Variants in CD38 observed in about 807,000 individuals in gnomAD.
The protein encoded by CD38 is ADP-ribosyl cyclase/cyclic ADP-ribose hydrolase 1.
CD38 carries 31 observed loss-of-function variants against 36.3 expected under a neutral mutation model. The observed-to-expected ratio is 0.85, with a 90% confidence interval of 0.64 to 1.15. The LOEUF is 1.15. CD38 is among the 50% of genes most tolerant of loss of function. The pLI, the probability that CD38 is intolerant of heterozygous loss-of-function variation, is 0.00. For synonymous variants in CD38, 131 were observed against 135.2 expected (o/e 0.97, Z 0.22); for missense variants, 380 against 371.9 (o/e 1.02, Z -0.18).
intron 2 of CD38, 121 bp from the exon 3 acceptor site, chr4:15,824,760 C>T (rs17848900): frequency 0.052 from 40,254 of 766,752 alleles, 1,602 homozygotes; most frequent in East Asian, 0.16. Context: ...AATTCTTACT[C>T]TTACTATGGG....
intron 1 of CD38, among the ~76,000 whole-genome samples, chr4:15,801,848 A>G (rs539347502): frequency 6.6e-4 from 101 of 152,306 alleles, no homozygotes; most frequent in African/African-American, 2.3e-3. Flanking sequence ...TGTACCAAAC[A>G]GGGAAATGTT....
chr4:15,836,741 G>T (rs1484119377), intron 4 of CD38, among the ~76,000 whole-genome samples: 1 of 152,138 alleles, frequency 6.6e-6, no homozygotes, highest in African/African-American at 2.4e-5. Context: ...TTAACTCTAG[G>T]TTGGTACCTA....
rs534968824 is a variant in CD38, at chr4:15,811,528, G to GT, written c.234-4973dup. Among the ~76,000 whole-genome samples the GT allele has an allele frequency of 3.3e-3, 481 of 147,760 alleles. 2 individuals carry two copies. Among genetic ancestry groups the GT allele is most frequent in the African/African-American group, 9.1e-3 (368 of 40,382 alleles). ...CCTGCACCATTTGTTGAAAAGTGTTGTTTTTTTTTTCCCATTGAATGGCCT... is the reference window on the plus strand; with the variant it reads ...CCTGCACCATTTGTTGAAAAGTGTTGTTTTTTTTTTTCCCATTGAATGGCCT... On this transcript the variant is annotated intron_variant, in intron 1 of 7. Coordinates refer to ENST00000226279, the MANE Select transcript of CD38 (RefSeq NM_001775.4).
rs1268370397 is a variant in CD38, at chr4:15,850,767, G to A, written c.*2165G>A. On this transcript the variant is annotated 3_prime_UTR_variant, in exon 8 of 8. Transcript: ENST00000226279. ...TGGCTCGACATGAGGATGGGGGTTT[G>A]GGACCAGTTCTGAGTGAGAATCAGA... 1 of 152,206 alleles carries A rather than the reference G, an allele frequency of 6.6e-6. No individual in the cohort carries two copies. The highest frequency in any genetic ancestry group is 1.5e-5 in the Non-Finnish European group (1 of 68,112). The allele number at this position is 152,206 out of a possible 1,614,324, so 9.4% of individuals were successfully genotyped here.
chr4:15,810,850 G>T (rs1457660406), intron 1 of CD38, among the ~76,000 whole-genome samples: 2 of 152,134 alleles, frequency 1.3e-5, no homozygotes, highest in East Asian at 3.8e-4. Context: ...TGCCACCCTT[G>T]CATTAATTAA....
At chr4:15,835,641 G>T (rs1184697812) in intron 4 of CD38, among the ~76,000 whole-genome samples, 1 of 150,970 alleles carries the variant, frequency 6.6e-6, no homozygotes, top group African/African-American at 2.4e-5. Context: ...GCCTCCCAAG[G>T]TGCTAAGACT....
chr4:15,786,562 T>G (rs910985755), intron 1 of CD38, among the ~76,000 whole-genome samples: 17 of 152,238 alleles, frequency 1.1e-4, no homozygotes, highest in African/African-American at 4.1e-4. Flanking sequence ...TTGGTCCGTT[T>G]ACAAACCTTG....
Position 15,837,781 on chromosome 4 carries a change from C to A in CD38, c.586-311C>A, listed in dbSNP as rs1227555638. ...CATGACACTGAGAAAGCACTTTCAT[C>A]TTCCCCCTCTAGACATTCCTCTTAC... On this transcript the variant is annotated intron_variant, in intron 4 of 7. Coordinates refer to ENST00000226279, the MANE Select transcript of CD38 (RefSeq NM_001775.4). Among the ~76,000 whole-genome samples the A allele has an allele frequency of 5.3e-5, 8 of 152,212 alleles. No homozygotes were observed. The East Asian group carries it at 1.5e-3, about 29-fold the overall frequency.
chr4:15,832,746 T>C (rs1236575411), intron 3 of CD38, among the ~76,000 whole-genome samples: 1 of 152,114 alleles, frequency 6.6e-6, no homozygotes, highest in African/African-American at 2.4e-5. Flanking sequence ...CTATATTTGC[T>C]CAAGGCTCTG....
At chr4:15,785,383 C>G (rs1017303544) in intron 1 of CD38, among the ~76,000 whole-genome samples, 1 of 152,032 alleles carries the variant, frequency 6.6e-6, no homozygotes, top group African/African-American at 2.4e-5. Context: ...AAGAAGATAC[C>G]TATTTCTATA....
chr4:15,847,685 G>A (rs72616193), intron 7 of CD38, among the ~76,000 whole-genome samples: 6,277 of 133,000 alleles, frequency 0.047, 188 homozygotes, highest in East Asian at 0.18. Flanking sequence ...GGAGAAAATA[G>A]AATAGTAGAA....
chr4:15,828,978 T>G (rs1723907893), intron 3 of CD38, among the ~76,000 whole-genome samples: 1 of 152,172 alleles, frequency 6.6e-6, no homozygotes, highest in South Asian at 2.1e-4. Flanking sequence ...TGCCAACACT[T>G]GTTATTTATC....
intron 2 of CD38, among the ~76,000 whole-genome samples, chr4:15,817,399 C>G (rs1401112737): frequency 6.6e-6 from 1 of 152,222 alleles, no homozygotes; most frequent in Non-Finnish European, 1.5e-5. Flanking sequence ...GCCTCTCATT[C>G]CATTGTTAGT....
chr4:15,811,370 CTA>C (rs923171844), intron 1 of CD38, among the ~76,000 whole-genome samples: 11 of 151,994 alleles, frequency 7.2e-5, no homozygotes, highest in Non-Finnish European at 1.5e-4. Flanking sequence ...ATTTTTTATT[CTA>C]TGTTTGCCTC....
intron 1 of CD38, among the ~76,000 whole-genome samples, chr4:15,814,201 A>G (rs1723533413): frequency 6.6e-6 from 1 of 152,212 alleles, no homozygotes; most frequent in African/African-American, 2.4e-5. Flanking sequence ...ATGACCAGTG[A>G]TGATAAGCTT....
chr4:15,841,029 A>G (rs1724194296), intron 7 of CD38, among the ~76,000 whole-genome samples: 1 of 151,974 alleles, frequency 6.6e-6, no homozygotes, highest in African/African-American at 2.4e-5. Flanking sequence ...CAAAATCTAT[A>G]TTTTTTAAAT....
At chr4:15,836,949 A>T (rs1724080165) in intron 4 of CD38, among the ~76,000 whole-genome samples, 1 of 152,214 alleles carries the variant, frequency 6.6e-6, no homozygotes, top group South Asian at 2.1e-4. Context: ...TTTAAATGAG[A>T]TACCACCATC....
At chr4:15,791,173 TGG>T (rs1560307627) in intron 1 of CD38, among the ~76,000 whole-genome samples, 1 of 72,534 alleles carries the variant, frequency 1.4e-5, no homozygotes, top group African/African-American at 7.2e-5. Flanking sequence ...GGGAGGGAGG[TGG>T]GGGGGTCAGC....
intron 1 of CD38, among the ~76,000 whole-genome samples, chr4:15,801,351 G>A (rs959186500): frequency 6.6e-6 from 1 of 151,822 alleles, no homozygotes; most frequent in Non-Finnish European, 1.5e-5. Context: ...TTTACTGCTG[G>A]ATTCTACCAA....
Sources: gnomAD v4.1 joint callset for allele counts (sites outside exome capture counted in the v4.1 genomes callset) on GRCh38, gnomAD v4.1.1 for gene constraint, MANE v1.5 for transcripts, NCBI Gene and HGNC (gene_info 2026-07-23, HGNC 2026-07-21) for gene names.